HDGFL2: variants seen among roughly 807,000 people sequenced by gnomAD.
HDGFL2 encodes the protein hepatoma-derived growth factor-related protein 2.
A neutral mutation model predicts 77.1 loss-of-function variants in HDGFL2; 36 were observed. The observed-to-expected ratio is 0.47, with a 90% CI of 0.36 to 0.62. The LOEUF (loss-of-function observed/expected upper bound fraction) is 0.62. HDGFL2 is among the 20% of genes least tolerant of loss of function. HDGFL2 has a pLI of 0.00. For missense variants in HDGFL2, 976 were observed against 973.4 expected (o/e 1.00, Z -0.04); for synonymous variants, 463 against 413.1 (o/e 1.12, Z -1.46).
At position 4,493,699 on chromosome 19, in the gene HDGFL2, C is replaced by G. The variant is rs570261239; in HGVS notation, c.679-4C>G. On this transcript the variant is annotated splice_region_variant and splice_polypyrimidine_tract_variant and intron_variant, in intron 6 of 15. Transcript: ENST00000616600. ...TGCTCACGCCTGTCCCTGCTTCTCC[C>G]CAGAAGGCGCCATCAGCCTCCGACT... The G allele has an allele frequency of 1.5e-5, 22 of 1,460,260 alleles. No homozygotes were observed. In the South Asian group the frequency reaches 3.1e-4, roughly 21 times the overall value. 90.5% of individuals were successfully genotyped at this position (1,460,260 alleles called of 1,614,324 possible). A position where few individuals can be genotyped will look rare whatever the true frequency, so the allele number is the denominator to read the frequency against.
At chr19:4,497,182 G>A (rs759997450) in intron 10 of HDGFL2, 141 of 425,466 alleles carry the variant, frequency 3.3e-4, no homozygotes, top group Non-Finnish European at 5.5e-4. Flanking sequence ...TGCAGCCCAC[G>A]TTTTTGTTTT....
chr19:4,482,932 GC>G (rs1165516986), intron 3 of HDGFL2, among the ~76,000 whole-genome samples: 1 of 152,094 alleles, frequency 6.6e-6, no homozygotes, highest in Non-Finnish European at 1.5e-5. Context: ...GGTGGAGGGA[GC>G]GACCAGGAAG....
chr19:4,496,344 C>T lies in HDGFL2; in HGVS notation c.1267C>T (p.Pro423Ser), dbSNP rs1050936621. ...AKKPQSSSTE[P>S]ARKPGQKEKR... ...GAAGCCGCAGTCCTCAAGCACAGAG[C>T]CCGCCAGGAAACCTGGCCAGAAGGA... Residue 423 changes from proline to serine, a missense_variant, in exon 10 of 16, where the codon CCC becomes TCC. Transcript: ENST00000616600. 1.2e-6 allele frequency: 2 copies of T among 1,614,144 alleles called. No homozygotes were observed.
intron 13 of HDGFL2, among the ~76,000 whole-genome samples, 160 bp downstream of exon 13, chr19:4,499,075 T>C (rs1975784974): frequency 6.6e-6 from 1 of 151,348 alleles, no homozygotes; most frequent in Non-Finnish European, 1.5e-5. Flanking sequence ...TTGCCAGGAG[T>C]GGTGGCTCAC....
At chr19:4,480,682 G>A (rs186654138) in intron 3 of HDGFL2, among the ~76,000 whole-genome samples, 44 of 152,020 alleles carry the variant, frequency 2.9e-4, no homozygotes, top group African/African-American at 1.0e-3. Flanking sequence ...TTGTGCCATT[G>A]TACTCCAGCC....
chr19:4,501,567 G>C (rs1415858906), intron 15 of HDGFL2: 1 of 492,750 alleles, frequency 2.0e-6, no homozygotes, highest in Non-Finnish European at 3.5e-6. Context: ...GTGGCTTCTT[G>C]CCGAGCCTCC....
At position 4,495,184 on chromosome 19, in the gene HDGFL2, A is replaced by G. The variant is rs577753166; in HGVS notation, c.1224+709A>G. 6.7e-3 allele frequency among the ~76,000 whole-genome samples: 1,023 copies of G among 152,078 alleles called. 6 individuals carry two copies. Among genetic ancestry groups the G allele is most frequent in the African/African-American group, 0.024 (987 of 41,492 alleles). On this transcript the variant is annotated intron_variant, in intron 9 of 15. Coordinates refer to ENST00000616600, the MANE Select transcript of HDGFL2 (RefSeq NM_001001520.3). ...GGGTGGATCACGAGGTGAGGAGATC[A>G]AGACCAGCCTGGCTAACACGGTGAA...
intron 9 of HDGFL2, among the ~76,000 whole-genome samples, chr19:4,494,721 A>C (rs1449278977): frequency 3.3e-5 from 5 of 152,032 alleles, no homozygotes; most frequent in African/African-American, 1.2e-4. Flanking sequence ...GCTCGAGACC[A>C]GCCTGGGCAA....
At chr19:4,483,125 T>C (rs996944324) in intron 3 of HDGFL2, among the ~76,000 whole-genome samples, 2 of 152,254 alleles carry the variant, frequency 1.3e-5, no homozygotes, top group African/African-American at 4.8e-5. Context: ...GTTTGCGGCC[T>C]GACCTACTTA....
At chr19:4,483,434 C>G (rs1794966905) in intron 3 of HDGFL2, among the ~76,000 whole-genome samples, 1 of 152,216 alleles carries the variant, frequency 6.6e-6, no homozygotes. Flanking sequence ...TTCCCTCCTC[C>G]TGGCCCCCCC....
At chr19:4,483,308 C>G (rs542573467) in intron 3 of HDGFL2, among the ~76,000 whole-genome samples, 1 of 152,140 alleles carries the variant, frequency 6.6e-6, no homozygotes, top group Non-Finnish European at 1.5e-5. Context: ...GCTGTGCGCA[C>G]GGAGGCTGGT....
At chr19:4,499,738 G>C in intron 14 of HDGFL2, 34 bp downstream of exon 14, 1 of 1,452,964 alleles carries the variant, frequency 6.9e-7, no homozygotes, top group African/African-American at 1.4e-5. Context: ...CTGTACCTCA[G>C]TCTCCTCAGC....
chr19:4,501,951 G>A lies in HDGFL2; in HGVS notation c.1957G>A (p.Asp653Asn), dbSNP rs368577824. ...TCCCGACCTGGACAGGCCTGGGAGC[G>A]ACCGGCAGGAGCGCGAGAGGGCACG... ...EGPDLDRPGSDRQERERARGD... is the reference protein window; with the variant it reads ...EGPDLDRPGSNRQERERARGD... The change falls in exon 16 of 16, where the codon GAC becomes AAC. Residue 653 changes from aspartate (D) to asparagine (N), a missense_variant. Physicochemically the swap from Asp to Asn is conservative, Grantham distance 23. Transcript: ENST00000616600. 5.3e-6 allele frequency: 8 copies of A among 1,500,356 alleles called. No homozygotes were observed. Among genetic ancestry groups the A allele is most frequent in the Middle Eastern group, 2.2e-4 (1 of 4,470 alleles). 92.9% of individuals were successfully genotyped at this position (1,500,356 alleles called of 1,614,324 possible).
At chr19:4,489,163 A>G (rs1318108651) in intron 4 of HDGFL2, among the ~76,000 whole-genome samples, 4 of 151,736 alleles carry the variant, frequency 2.6e-5, no homozygotes, top group African/African-American at 9.7e-5. Flanking sequence ...CAGGTCCCCA[A>G]GTTGGTCTTG....
intron 8 of HDGFL2, 38 bp downstream of exon 8, chr19:4,494,095 C>A: frequency 6.5e-7 from 1 of 1,537,234 alleles, no homozygotes; most frequent in East Asian, 2.4e-5. Flanking sequence ...GGCGGCTCCT[C>A]CATCGGCTGA....
At chr19:4,497,441 C>T (rs1975735382) in intron 10 of HDGFL2, 2 of 287,270 alleles carry the variant, frequency 7.0e-6, no homozygotes, top group Admixed American at 1.0e-4. Flanking sequence ...TCATGATCCC[C>T]CCGCCTCGGC....
chr19:4,498,704 C>A, intron 12 of HDGFL2, 110 bp from the exon 13 acceptor site: 2 of 719,200 alleles, frequency 2.8e-6, no homozygotes, highest in Non-Finnish European at 2.4e-6. Context: ...TCTGCAGATA[C>A]AGCTCCCCTC....
Position 4,494,076 on chromosome 19 carries a change from G to A in HDGFL2, c.914+19G>A. ...GTGACAGGTGGGTGCTGGGGCTGGG[G>A]TCCCCTCTGGCGGCTCCTCCATCGG... is the stretch of plus-strand genomic sequence containing the variant. On this transcript the variant is annotated intron_variant, in intron 8 of 15. Transcript: ENST00000616600. The A allele has an allele frequency of 6.3e-7, 1 of 1,579,890 alleles. No individual in the cohort carries two copies. The highest frequency in any genetic ancestry group is 8.6e-7 in the Non-Finnish European group (1 of 1,163,572).
intron 6 of HDGFL2, among the ~76,000 whole-genome samples, chr19:4,492,853 CTGTG>C (rs1193142378): frequency 3.8e-4 from 41 of 107,854 alleles, no homozygotes; most frequent in African/African-American, 7.3e-4. Context: ...TGTGTGTTGT[CTGTG>C]TGTGTGTGGT....
Sources: allele counts gnomAD v4.1 joint callset (sites outside exome capture counted in the v4.1 genomes callset), GRCh38; gene constraint gnomAD v4.1.1; transcripts MANE v1.5; gene names NCBI Gene and HGNC (gene_info 2026-07-23, HGNC 2026-07-21).